The following ARHGAP44 variants were observed in gnomAD, a reference collection of about 807,000 sequenced individuals.
The protein encoded by ARHGAP44 is rho GTPase-activating protein 44.
A neutral mutation model predicts 106.8 loss-of-function variants in ARHGAP44; 43 were observed. The observed-to-expected ratio is 0.40, with a 90% confidence interval of 0.32 to 0.52. The LOEUF is 0.52. Among genes scored for constraint, ARHGAP44 ranks in the 20% least tolerant of loss-of-function variants. The pLI is 0.48. For missense variants in ARHGAP44, 866 were observed against 1,050.5 expected, an observed-to-expected ratio of 0.82 and a Z score of 2.43; for synonymous variants, 439 against 410.3, an observed-to-expected ratio of 1.07 and a Z score of -0.85.
intron 1 of ARHGAP44, among the ~76,000 whole-genome samples, chr17:12,881,173 A>C (rs2036727846): frequency 6.6e-6 from 1 of 151,620 alleles, no homozygotes; most frequent in African/African-American, 2.4e-5. Flanking sequence ...AATTAATATA[A>C]ATATGTCTTT....
intron 10 of ARHGAP44, among the ~76,000 whole-genome samples, chr17:12,944,672 G>A (rs1389840113): frequency 8.3e-6 from 1 of 120,328 alleles, no homozygotes; most frequent in South Asian, 2.7e-4. Context: ...TTTTTTTTTA[G>A]TAGCAATGGG....
rs142630759 is a variant in ARHGAP44, at chr17:12,857,673, G to A, written c.54-37267G>A. 2.0e-3 allele frequency among the ~76,000 whole-genome samples: 310 copies of A among 152,290 alleles called. 1 individual carries two copies. The highest frequency in any genetic ancestry group is 0.01 in the Middle Eastern group (3 of 294). ...TTCTATTATGGTAGAATAGCTTGGA[G>A]CTAGATGTCTTTTATAGGAAATGAC... is the stretch of plus-strand genomic sequence containing the variant. On this transcript the variant is annotated intron_variant, in intron 1 of 20. Transcript: ENST00000379672.
chr17:12,930,310 C>T (rs1226898372), intron 7 of ARHGAP44, among the ~76,000 whole-genome samples: 1 of 151,908 alleles, frequency 6.6e-6, no homozygotes. Flanking sequence ...CTTGGCTCAC[C>T]GCAACTTCCG....
intron 10 of ARHGAP44, among the ~76,000 whole-genome samples, chr17:12,948,353 T>G (rs1204330077): frequency 6.6e-6 from 1 of 152,200 alleles, no homozygotes; most frequent in South Asian, 2.1e-4. Context: ...GCCCTTCCCC[T>G]GAAGGCATAG....
chr17:12,802,832 C>T (rs1476765518), intron 1 of ARHGAP44, among the ~76,000 whole-genome samples: 1 of 138,426 alleles, frequency 7.2e-6, no homozygotes, highest in East Asian at 2.1e-4. Context: ...GAGCTCGGTC[C>T]ACTGCAACCT....
rs765022761 is a variant in ARHGAP44, at chr17:12,915,970, G to A, written c.346G>A (p.Val116Ile). ...AQELIHFELQVERDVIEPLFL... is the reference protein window; with the variant it reads ...AQELIHFELQIERDVIEPLFL... ...GGAGCTGATACATTTTGAGTTGCAAGTAGAGAGAGACGTGATTGAGCCCCT... is the reference window on the plus strand; with the variant it reads ...GGAGCTGATACATTTTGAGTTGCAAATAGAGAGAGACGTGATTGAGCCCCT... Residue 116 changes from valine to isoleucine, a missense_variant, in exon 5 of 21, where the codon GTA becomes ATA. Around this residue, in one of 2 missense-constraint regions of ARHGAP44, gnomAD observed 448 missense variants for 646.9 expected, o/e 0.69. Transcript: ENST00000379672. 1.9e-6 allele frequency: 3 copies of A among 1,613,848 alleles called. No individual in the cohort carries two copies. The highest frequency in any genetic ancestry group is 2.5e-6 in the Non-Finnish European group (3 of 1,179,886).
chr17:12,824,836 C>A (rs2034873454), intron 1 of ARHGAP44, among the ~76,000 whole-genome samples: 1 of 151,500 alleles, frequency 6.6e-6, no homozygotes, highest in South Asian at 2.1e-4. Context: ...TGTTCTCTGC[C>A]ACTCTGACCA....
At chr17:12,938,591 A>C (rs914028170) in intron 7 of ARHGAP44, among the ~76,000 whole-genome samples, 1 of 151,424 alleles carries the variant, frequency 6.6e-6, no homozygotes, top group Admixed American at 6.6e-5. Context: ...TTAAAAAAAA[A>C]AAAAAAAAAA....
At chr17:12,878,650 GT>G (rs1229614575) in intron 1 of ARHGAP44, among the ~76,000 whole-genome samples, 1 of 152,130 alleles carries the variant, frequency 6.6e-6, no homozygotes. Flanking sequence ...TTCCTTGAAG[GT>G]TAGCTTCCAT....
chr17:12,952,529 G>T lies in ARHGAP44; in HGVS notation c.1084G>T (p.Ala362Ser), dbSNP rs867151268. 1 of 1,581,862 alleles carries T rather than the reference G, an allele frequency of 6.3e-7. No homozygotes were observed. The highest frequency in any genetic ancestry group is 8.6e-7 in the Non-Finnish European group (1 of 1,163,434). The change falls in exon 13 of 21, where the codon GCT becomes TCT. Residue 362 changes from alanine (A) to serine (S), a missense_variant. Coordinates refer to ENST00000379672, the MANE Select transcript of ARHGAP44 (RefSeq NM_014859.6). ...NVQEQDKKLQ[A>S]LWNACEKLPK... ...CCAGGAGCAAGACAAGAAGCTTCAG[G>T]CTCTATGGAATGCTTGTGAAAAGTT... is the stretch of plus-strand genomic sequence containing the variant.
At chr17:12,887,260 C>T (rs939875026) in intron 1 of ARHGAP44, among the ~76,000 whole-genome samples, 1 of 152,104 alleles carries the variant, frequency 6.6e-6, no homozygotes, top group South Asian at 2.1e-4. Flanking sequence ...CAGGGCCTTG[C>T]TCTGCTCTCC....
At chr17:12,849,858 G>A (rs967328088) in intron 1 of ARHGAP44, among the ~76,000 whole-genome samples, 6 of 152,080 alleles carry the variant, frequency 3.9e-5, no homozygotes, top group Non-Finnish European at 5.9e-5. Context: ...GGATGACTGA[G>A]TGTGGCATGG....
rs938301165 is a variant in ARHGAP44 at position 12,955,957 on chromosome 17, C to T, written c.1227C>T (p.Asn409=). The change falls in exon 14 of 21, where the codon AAC becomes AAT. Residue 409 remains asparagine (N), a synonymous_variant. Transcript: ENST00000379672. ...ATATGGCAATTGTTTTAGGACCCAA[C>T]CTCCTATGGCCACAAGCAGAAGGGT... ...PSNMAIVLGP[N]LLWPQAEGNI... 6.2e-7 allele frequency: 1 copy of T among 1,612,958 alleles called. No individual in the cohort carries two copies. Among genetic ancestry groups the T allele is most frequent in the Non-Finnish European group, 8.5e-7 (1 of 1,179,388 alleles).
chr17:12,965,679 C>CT (rs1283336166), intron 16 of ARHGAP44, among the ~76,000 whole-genome samples: 1 of 152,194 alleles, frequency 6.6e-6, no homozygotes, highest in East Asian at 1.9e-4. Flanking sequence ...TTCTTAGAGT[C>CT]TTTAACATGC....
intron 16 of ARHGAP44, among the ~76,000 whole-genome samples, chr17:12,964,295 TCTA>T (rs1014366726): frequency 1.5e-4 from 23 of 152,156 alleles, no homozygotes; most frequent in South Asian, 1.0e-3. Context: ...AATTTTTTTT[TCTA>T]CTGCCTTCAG....
At chr17:12,987,628 T>C (rs899039763) in intron 20 of ARHGAP44, 1 of 152,588 alleles carries the variant, frequency 6.6e-6, no homozygotes, top group Non-Finnish European at 1.5e-5. Flanking sequence ...CACCACAGCT[T>C]GGACCCCATT....
At chr17:12,932,567 C>T (rs932822905) in intron 7 of ARHGAP44, among the ~76,000 whole-genome samples, 3 of 152,150 alleles carry the variant, frequency 2.0e-5, no homozygotes, top group African/African-American at 4.8e-5. Flanking sequence ...GCCCTTTGGA[C>T]ATCTTCTACA....
At chr17:12,905,068 ATTTTTTT>A (rs11410681) in intron 3 of ARHGAP44, among the ~76,000 whole-genome samples, 1 of 137,112 alleles carries the variant, frequency 7.3e-6, no homozygotes, top group Non-Finnish European at 1.6e-5. Context: ...CACTTGGCTA[ATTTTTTT>A]TTTTTTTTTT....
chr17:12,923,278 T>A (rs2038138132), intron 6 of ARHGAP44, among the ~76,000 whole-genome samples: 2 of 152,096 alleles, frequency 1.3e-5, no homozygotes, highest in Non-Finnish European at 2.9e-5. Context: ...TGGCGCAATC[T>A]CAGTTCACTG....
Sources: allele counts gnomAD v4.1 joint callset (sites outside exome capture counted in the v4.1 genomes callset), GRCh38; gene constraint gnomAD v4.1.1; regional missense constraint gnomAD v4.1.1; transcripts MANE v1.5; gene names NCBI Gene and HGNC (gene_info 2026-07-23, HGNC 2026-07-21).